ATG2B: variants seen among roughly 807,000 people sequenced by gnomAD.
The protein encoded by ATG2B is autophagy-related protein 2 homolog B.
In ATG2B, 121 loss-of-function variants were observed where a neutral mutation model predicts 241.3. The ratio of observed to expected loss-of-function variants is 0.50; its 90% CI spans 0.43 to 0.58. ATG2B has a LOEUF of 0.58. Ranked by LOEUF, ATG2B falls within the 20% of genes least tolerant of loss-of-function variation. The probability of loss-of-function intolerance (pLI) is 0.00; values close to 1 mark genes in which losing one functional copy is unlikely to be tolerated. For missense variants in ATG2B, 2,306 were observed against 2,491.6 expected (o/e 0.93, Z 1.59); for synonymous variants, 858 against 876.6 (o/e 0.98, Z 0.37).
rs529735889 is a variant in ATG2B at position 96,352,743 on chromosome 14, T to A, written c.163-5402A>T. ...ACAAAAGAAACAAAAAGTTCAAAAA[T>A]TTTTTTAAAGTTTATAAAGTTACTG... On this transcript the variant is annotated intron_variant, in intron 1 of 41. Coordinates refer to ENST00000359933, the MANE Select transcript of ATG2B (RefSeq NM_018036.7). 2.4e-3 allele frequency among the ~76,000 whole-genome samples: 362 copies of A among 152,296 alleles called. 1 individual carries two copies. Among genetic ancestry groups the A allele is most frequent in the Middle Eastern group, 3.4e-3 (1 of 294 alleles).
At position 96,344,163 on chromosome 14, in the gene ATG2B, TA is replaced by T. The variant is rs542318790; in HGVS notation, c.581+490del. 2.0e-5 allele frequency among the ~76,000 whole-genome samples: 3 copies of T among 152,390 alleles called. No individual in the cohort carries two copies. The South Asian group carries it at 6.2e-4, about 32-fold the overall frequency. On this transcript the variant is annotated intron_variant, in intron 4 of 41. Coordinates refer to ENST00000359933, the MANE Select transcript of ATG2B (RefSeq NM_018036.7). ...CAAAAAACTAAAAGCAACGTACTTA[TA>T]TTTTTTTAAGTAAATATTGCACATA...
chr14:96,322,374 C>T, intron 17 of ATG2B, 120 bp from the exon 18 acceptor site: 4 of 1,351,568 alleles, frequency 3.0e-6, no homozygotes, highest in Non-Finnish European at 4.0e-6. Flanking sequence ...AAACATTTAA[C>T]TAGAGAAAAT....
Position 96,316,667 on chromosome 14 carries a change from A to G in ATG2B, c.3227T>C (p.Leu1076Pro), listed in dbSNP as rs371801384. 3 of 1,609,564 alleles carry G rather than the reference A, an allele frequency of 1.9e-6. No individual in the cohort carries two copies. The highest frequency in any genetic ancestry group is 2.5e-6 in the Non-Finnish European group (3 of 1,178,806). The change falls in exon 21 of 42, where the codon CTG (leucine) becomes CCG (proline). Residue 1076 changes from leucine (L) to proline (P), a missense_variant. Leu to Pro is a moderately conservative substitution (Grantham distance 98). Coordinates refer to ENST00000359933, the MANE Select transcript of ATG2B (RefSeq NM_018036.7). ...GAATTCACCATGCTTGTTTTCCAAC[A>G]GATCTCCATTATCTTGCTAGTAAAA... The part of the protein sequence containing the change: ...FTDVKQDNGD[L>P]LENKHGEFWL...
At chr14:96,306,467 T>C (rs1361778980) in intron 30 of ATG2B, among the ~76,000 whole-genome samples, 1 of 152,170 alleles carries the variant, frequency 6.6e-6, no homozygotes. Context: ...CATCTTACTA[T>C]ATAAAAAATC....
intron 41 of ATG2B, among the ~76,000 whole-genome samples, chr14:96,288,519 A>G (rs1886398033): frequency 6.6e-6 from 1 of 152,048 alleles, no homozygotes; most frequent in Non-Finnish European, 1.5e-5. Context: ...TCCCCAGTAA[A>G]TCTTTTTTTC....
chr14:96,333,612 C>T, intron 8 of ATG2B, 76 bp downstream of exon 8: 2 of 1,400,134 alleles, frequency 1.4e-6, no homozygotes, highest in Non-Finnish European at 1.9e-6. Context: ...CTTCTGTTCA[C>T]AGCAGCCAAA....
intron 11 of ATG2B, among the ~76,000 whole-genome samples, chr14:96,331,086 T>C (rs760629873): frequency 7.9e-5 from 12 of 152,216 alleles, no homozygotes; most frequent in Non-Finnish European, 1.3e-4. Context: ...AGGCAAAATG[T>C]GGTTAAAGAA....
chr14:96,353,343 G>C (rs1357422342), intron 1 of ATG2B, among the ~76,000 whole-genome samples: 1 of 152,148 alleles, frequency 6.6e-6, no homozygotes, highest in African/African-American at 2.4e-5. Context: ...ATACATACTG[G>C]GCTGGGCATG....
At position 96,307,689 on chromosome 14, in the gene ATG2B, G is replaced by A. The variant is rs75187405; in HGVS notation, c.4304-773C>T. Among the ~76,000 whole-genome samples, 1,383 of 152,004 alleles carry A rather than the reference G, an allele frequency of 9.1e-3. 26 individuals carry two copies. Among genetic ancestry groups the A allele is most frequent in the African/African-American group, 0.032 (1,327 of 41,438 alleles). On this transcript the variant is annotated intron_variant, in intron 29 of 41. Coordinates refer to ENST00000359933, the MANE Select transcript of ATG2B (RefSeq NM_018036.7). ...AGCCTAAATGTAGGGGGAGGGAAGG[G>A]GAAGGGGAGGGAAGAATAGCTGTTG...
chr14:96,304,489 T>A lies in ATG2B; in HGVS notation c.4842+6A>T, dbSNP rs749349024. The A allele has an allele frequency of 1.9e-6, 3 of 1,608,344 alleles. No homozygotes were observed. The highest frequency in any genetic ancestry group is 1.7e-5 in the Admixed American group (1 of 59,480). ...AAGTGGATTTTTCCTTCAAATGCCA[T>A]CTTACCTTGCTTAGCTGTATTTCCA... On this transcript the variant is annotated splice_donor_region_variant and intron_variant, in intron 32 of 41. Transcript: ENST00000359933.
intron 16 of ATG2B, among the ~76,000 whole-genome samples, chr14:96,323,652 T>G (rs1049438215): frequency 6.6e-6 from 1 of 152,288 alleles, no homozygotes; most frequent in African/African-American, 2.4e-5. Context: ...CCTAAGAATC[T>G]AATCGGTCTA....
chr14:96,293,922 T>C (rs191778823), intron 36 of ATG2B, among the ~76,000 whole-genome samples: 7 of 152,276 alleles, frequency 4.6e-5, no homozygotes, highest in Non-Finnish European at 8.8e-5. Context: ...AGTTTATAAA[T>C]GTGACTAATA....
chr14:96,360,109 T>C (rs1888584480), intron 1 of ATG2B, among the ~76,000 whole-genome samples: 1 of 152,232 alleles, frequency 6.6e-6, no homozygotes, highest in Non-Finnish European at 1.5e-5. Flanking sequence ...AAAGAGAAAG[T>C]GAATGGCAAT....
At chr14:96,346,626 T>G (rs1888176614) in intron 2 of ATG2B, among the ~76,000 whole-genome samples, 1 of 152,156 alleles carries the variant, frequency 6.6e-6, no homozygotes, top group Non-Finnish European at 1.5e-5. Context: ...TCTATCTAAT[T>G]CTATCATTTT....
rs746257066 is a variant in ATG2B, at chr14:96,313,046, A to G, written c.3842+19T>C. 2 of 1,485,166 alleles carry G rather than the reference A, an allele frequency of 1.3e-6. No individual in the cohort carries two copies. The highest frequency in any genetic ancestry group is 2.3e-5 in the East Asian group (1 of 44,244). The allele number at this position is 1,485,166 out of a possible 1,614,324, so 92.0% of individuals were successfully genotyped here. A position where few individuals can be genotyped will look rare whatever the true frequency, so the allele number is the denominator to read the frequency against. On this transcript the variant is annotated intron_variant, in intron 25 of 41. Coordinates refer to ENST00000359933, the MANE Select transcript of ATG2B (RefSeq NM_018036.7). Reference sequence around the variant, plus strand: ...TTCGAACAGCTTTGTTTAGTATACAATGAAGTTTACACAGGTACCTGAGAG... The same window carrying G: ...TTCGAACAGCTTTGTTTAGTATACAGTGAAGTTTACACAGGTACCTGAGAG...
chr14:96,358,150 A>G (rs1888528194), intron 1 of ATG2B, among the ~76,000 whole-genome samples: 1 of 152,198 alleles, frequency 6.6e-6, no homozygotes, highest in Admixed American at 6.5e-5. Context: ...GTAATATTAA[A>G]GGGGCCTGGT....
At chr14:96,318,817 T>C (rs1887383906) in intron 18 of ATG2B, among the ~76,000 whole-genome samples, 1 of 152,190 alleles carries the variant, frequency 6.6e-6, no homozygotes, top group Non-Finnish European at 1.5e-5. Flanking sequence ...AAACCCATCG[T>C]AAGATCTGGA....
intron 1 of ATG2B, among the ~76,000 whole-genome samples, chr14:96,356,611 C>T (rs1462759456): frequency 6.6e-6 from 1 of 152,006 alleles, no homozygotes; most frequent in African/African-American, 2.4e-5. Flanking sequence ...TCAGAATCTC[C>T]TAGGATGTTT....
intron 1 of ATG2B, among the ~76,000 whole-genome samples, chr14:96,348,961 C>G (rs369707511): frequency 1.3e-4 from 20 of 152,206 alleles, no homozygotes; most frequent in African/African-American, 4.6e-4. Context: ...TAAAGATGAT[C>G]TCGGTCCTCA....
Sources: allele counts gnomAD v4.1 joint callset (sites outside exome capture counted in the v4.1 genomes callset), GRCh38; gene constraint gnomAD v4.1.1; transcripts MANE v1.5; gene names NCBI Gene and HGNC (gene_info 2026-07-23, HGNC 2026-07-21).